DLGAP2: variants seen among roughly 807,000 people sequenced by gnomAD.
DLGAP2 encodes disks large-associated protein 2.
A neutral mutation model predicts 100.3 loss-of-function variants in DLGAP2; 26 were observed. That is an observed-to-expected ratio of 0.26 (90% confidence interval 0.19 to 0.36). The LOEUF (loss-of-function observed/expected upper bound fraction) is 0.36, where lower values mean the gene tolerates loss of function less well. Ranked by LOEUF, DLGAP2 falls within the 10% of genes least tolerant of loss-of-function variation. The pLI is 1.00. For missense variants in DLGAP2, 1,858 were observed against 1,453.2 expected (o/e 1.28, Z -4.53); for synonymous variants, 886 against 630.1 (o/e 1.41, Z -6.08).
chr8:814,244 G>C (rs747896538), intron 1 of DLGAP2, among the ~76,000 whole-genome samples: 1 of 152,164 alleles, frequency 6.6e-6, no homozygotes, highest in Non-Finnish European at 1.5e-5. Context: ...TGAGTTAAGC[G>C]ACTGGCCCCA....
chr8:779,593 T>TCCCACCTCA, intron 1 of DLGAP2, among the ~76,000 whole-genome samples: 1 of 151,596 alleles, frequency 6.6e-6, no homozygotes, highest in Non-Finnish European at 1.5e-5. Context: ...TCTCCCAAAG[T>TCCCACCTCA]GTGGGGATTA....
chr8:1,371,555 T>G (rs1802237430), intron 3 of DLGAP2, among the ~76,000 whole-genome samples: 1 of 152,224 alleles, frequency 6.6e-6, no homozygotes, highest in Non-Finnish European at 1.5e-5. Flanking sequence ...TCTGCAGAAC[T>G]CTATTATCCT....
chr8:1,464,844 G>C (rs1004485535), intron 3 of DLGAP2, among the ~76,000 whole-genome samples: 1 of 152,182 alleles, frequency 6.6e-6, no homozygotes, highest in African/African-American at 2.4e-5. Context: ...ATCAGAAGCT[G>C]ACCTTCCTAT....
intron 2 of DLGAP2, among the ~76,000 whole-genome samples, chr8:1,181,870 G>A (rs62489001): frequency 0.13 from 19,265 of 152,148 alleles, 1,347 homozygotes; most frequent in East Asian, 0.23. Context: ...CCCTGGAGAG[G>A]ACTTTGCCAT....
rs562315061 is a variant in DLGAP2, at chr8:1,683,242, G to C, written c.2704+4613G>C. On this transcript the variant is annotated intron_variant, in intron 12 of 14. Coordinates refer to ENST00000637795, the MANE Select transcript of DLGAP2 (RefSeq NM_001346810.2). ...TCTCAGAAGGCTTCCTGGAGAAGGTGGCACTGTGCTGGGCCTTGACACGCG... is the reference window on the plus strand; with the variant it reads ...TCTCAGAAGGCTTCCTGGAGAAGGTCGCACTGTGCTGGGCCTTGACACGCG... Among the ~76,000 whole-genome samples the C allele has an allele frequency of 3.3e-5, 5 of 151,748 alleles. No homozygotes were observed. In the East Asian group the frequency reaches 9.7e-4, roughly 29 times the overall value.
chr8:1,370,527 C>A (rs12114124), intron 3 of DLGAP2, among the ~76,000 whole-genome samples: 1 of 152,048 alleles, frequency 6.6e-6, no homozygotes, highest in African/African-American at 2.4e-5. Context: ...AGTCACATTT[C>A]TTTTGTGTTT....
At chr8:1,525,158 C>A (rs891231458) in intron 4 of DLGAP2, among the ~76,000 whole-genome samples, 3 of 147,264 alleles carry the variant, frequency 2.0e-5, no homozygotes, top group Non-Finnish European at 4.5e-5. Flanking sequence ...AACTTCAAAG[C>A]AATTCACCGG....
intron 6 of DLGAP2, among the ~76,000 whole-genome samples, chr8:1,605,298 G>T (rs2130715132): frequency 6.6e-6 from 1 of 152,238 alleles, no homozygotes; most frequent in Non-Finnish European, 1.5e-5. Flanking sequence ...GGACCAATTT[G>T]AGCCGAAGAT....
chr8:917,707 A>T (rs1185488960), intron 2 of DLGAP2, among the ~76,000 whole-genome samples: 2 of 152,062 alleles, frequency 1.3e-5, no homozygotes, highest in Admixed American at 6.6e-5. Flanking sequence ...CAGCCTCCTG[A>T]GTAGCTGGGA....
intron 2 of DLGAP2, among the ~76,000 whole-genome samples, chr8:1,242,749 C>CAGACGGACAGATGGAT (rs1798824995): frequency 6.6e-6 from 1 of 151,988 alleles, no homozygotes; most frequent in African/African-American, 2.4e-5. Context: ...GACAGATGGA[C>CAGACGGACAGATGGAT]GGATGGATGG....
intron 1 of DLGAP2, among the ~76,000 whole-genome samples, chr8:796,323 A>C (rs888910251): frequency 1.3e-5 from 2 of 151,928 alleles, no homozygotes; most frequent in Non-Finnish European, 2.9e-5. Flanking sequence ...TCATCTGGCC[A>C]CTCGCTCCTG....
At chr8:1,117,088 C>A (rs1256988583) in intron 2 of DLGAP2, among the ~76,000 whole-genome samples, 1 of 152,220 alleles carries the variant, frequency 6.6e-6, no homozygotes, top group Non-Finnish European at 1.5e-5. Flanking sequence ...TTTGCTACAG[C>A]AATTTCATCT....
chr8:1,475,058 G>C (rs997990218), intron 3 of DLGAP2, among the ~76,000 whole-genome samples: 1 of 152,212 alleles, frequency 6.6e-6, no homozygotes, highest in Non-Finnish European at 1.5e-5. Context: ...CCATCAGGAA[G>C]AATGAGATCA....
intron 2 of DLGAP2, among the ~76,000 whole-genome samples, chr8:1,219,118 C>T (rs1224244689): frequency 1.3e-5 from 2 of 152,150 alleles, no homozygotes; most frequent in Non-Finnish European, 2.9e-5. Context: ...CTATTTGTTT[C>T]TCTTGCCTGA....
intron 1 of DLGAP2, among the ~76,000 whole-genome samples, chr8:778,328 A>G (rs942784414): frequency 4.6e-5 from 7 of 152,174 alleles, no homozygotes; most frequent in Non-Finnish European, 8.8e-5. Flanking sequence ...GATCGTCTGA[A>G]GCCTTCTTCT....
chr8:1,481,477 T>TTTTTC (rs1799093858), intron 3 of DLGAP2, among the ~76,000 whole-genome samples: 1 of 114,984 alleles, frequency 8.7e-6, no homozygotes, highest in African/African-American at 5.0e-5. Flanking sequence ...TTTTCTTTTT[T>TTTTTC]TTTTTTTTTT....
At chr8:1,276,186 C>T (rs1040051056) in intron 3 of DLGAP2, among the ~76,000 whole-genome samples, 15 of 149,668 alleles carry the variant, frequency 1.0e-4, no homozygotes, top group Non-Finnish European at 1.9e-4. Context: ...CAAGGAGTTG[C>T]TCTCTCTCAA....
intron 2 of DLGAP2, among the ~76,000 whole-genome samples, chr8:1,254,795 C>T (rs761592688): frequency 6.6e-6 from 1 of 150,922 alleles, no homozygotes; most frequent in Non-Finnish European, 1.5e-5. Flanking sequence ...CTTCCCTGGC[C>T]CACGCAGTTC....
At chr8:1,075,153 G>T (rs1040173519) in intron 2 of DLGAP2, among the ~76,000 whole-genome samples, 1 of 152,210 alleles carries the variant, frequency 6.6e-6, no homozygotes, top group Non-Finnish European at 1.5e-5. Flanking sequence ...ACTTGGGGCT[G>T]AGACAAACAG....
Sources: gnomAD v4.1 joint callset for allele counts (sites outside exome capture counted in the v4.1 genomes callset) on GRCh38, gnomAD v4.1.1 for gene constraint, MANE v1.5 for transcripts, NCBI Gene and HGNC (gene_info 2026-07-23, HGNC 2026-07-21) for gene names.